Variants in SRGAP3 observed in about 807,000 individuals in gnomAD.
SRGAP3 encodes SLIT-ROBO Rho GTPase activating protein 3, also known as SLIT-ROBO Rho GTPase-activating protein 3.
In SRGAP3, 39 loss-of-function variants were observed where a neutral mutation model predicts 121.1. That is an observed-to-expected ratio of 0.32 (90% CI 0.25 to 0.42). The LOEUF is 0.42. Ranked by LOEUF, SRGAP3 falls within the 10% of genes least tolerant of loss-of-function variation. SRGAP3 has a pLI of 1.00. For missense variants in SRGAP3, 1,213 were observed against 1,470.6 expected, an observed-to-expected ratio of 0.82 and a Z score of 2.86; for synonymous variants, 601 against 570.0, an observed-to-expected ratio of 1.05 and a Z score of -0.77.
intron 3 of SRGAP3, among the ~76,000 whole-genome samples, chr3:9,322,530 TA>T (rs140083606): frequency 0.011 from 1,712 of 151,896 alleles, 34 homozygotes; most frequent in African/African-American, 0.039. Context: ...AAGGGAGCAT[TA>T]CCACCTGAGC....
intron 3 of SRGAP3, among the ~76,000 whole-genome samples, chr3:9,281,649 G>A (rs530534169): frequency 1.1e-4 from 16 of 152,126 alleles, no homozygotes; most frequent in African/African-American, 3.4e-4. Flanking sequence ...CACAATACGC[G>A]CCCCAATTAG....
intron 1 of SRGAP3, among the ~76,000 whole-genome samples, chr3:9,160,211 A>G (rs1950561038): frequency 6.6e-6 from 1 of 152,246 alleles, no homozygotes; most frequent in South Asian, 2.1e-4. Context: ...TAATACTACC[A>G]TAAATTCTTT....
At chr3:9,151,899 T>C (rs1950223952) in intron 1 of SRGAP3, among the ~76,000 whole-genome samples, 1 of 152,216 alleles carries the variant, frequency 6.6e-6, no homozygotes, top group African/African-American at 2.4e-5. Context: ...GGAAAGGAAC[T>C]GTCGAAGCTG....
chr3:9,298,514 C>T (rs1954992298), intron 3 of SRGAP3, among the ~76,000 whole-genome samples: 1 of 152,118 alleles, frequency 6.6e-6, no homozygotes, highest in Non-Finnish European at 1.5e-5. Flanking sequence ...CAAACAATTC[C>T]ACCCCTCCCT....
At chr3:9,127,550 C>T (rs537604678) in intron 1 of SRGAP3, among the ~76,000 whole-genome samples, 2 of 152,288 alleles carry the variant, frequency 1.3e-5, no homozygotes, top group East Asian at 1.9e-4. Context: ...TGGGTTCAAG[C>T]GATCCTCCTG....
chr3:9,177,881 C>T (rs1036464191), intron 1 of SRGAP3, among the ~76,000 whole-genome samples: 5 of 152,124 alleles, frequency 3.3e-5, no homozygotes, highest in African/African-American at 1.2e-4. Flanking sequence ...GAGATGGACA[C>T]ACAACCAAGC....
intron 1 of SRGAP3, among the ~76,000 whole-genome samples, chr3:9,246,686 C>A (rs754312175): frequency 3.3e-4 from 51 of 152,266 alleles, no homozygotes; most frequent in Non-Finnish European, 6.6e-4. Flanking sequence ...CCTAGACACA[C>A]ATCAATAATT....
At chr3:9,252,658 G>A (rs1395439083), upstream of SRGAP3, among the ~76,000 whole-genome samples, 2 of 152,116 alleles carry the variant, frequency 1.3e-5, no homozygotes, top group South Asian at 2.1e-4. Flanking sequence ...AGATGTGGGT[G>A]TGACCTGGGC....
In SRGAP3 at chr3:9,056,284, A is replaced by G. The variant is rs1415434650; in HGVS notation, c.1074T>C (p.Arg358=). 6.2e-7 allele frequency: 1 copy of G among 1,613,886 alleles called. No individual in the cohort carries two copies. Among genetic ancestry groups the G allele is most frequent in the South Asian group, 1.1e-5 (1 of 91,076 alleles). Residue 358 remains arginine (R), a synonymous_variant, in exon 8 of 22, where the codon CGT becomes CGC. Transcript: ENST00000383836. ...QQPVQTELLM[R]YHQLQSRLAT... ...CCAGTCTGGACTGCAGCTGGTGATAACGCATGAGCAGTTCTGTCTGGACGG... is the reference window on the plus strand; with the variant it reads ...CCAGTCTGGACTGCAGCTGGTGATAGCGCATGAGCAGTTCTGTCTGGACGG...
At chr3:9,270,044 T>G (rs1481617386) in intron 3 of SRGAP3, among the ~76,000 whole-genome samples, 1 of 152,150 alleles carries the variant, frequency 6.6e-6, no homozygotes, top group Non-Finnish European at 1.5e-5. Context: ...TCTGATTTAG[T>G]AGATCTGGGG....
chr3:9,098,828 T>C (rs1948093834), intron 3 of SRGAP3, among the ~76,000 whole-genome samples: 1 of 152,216 alleles, frequency 6.6e-6, no homozygotes. Flanking sequence ...AATATATGTT[T>C]ATTAAATGAG....
intron 3 of SRGAP3, among the ~76,000 whole-genome samples, chr3:9,095,092 T>A (rs1477879764): frequency 1.3e-5 from 2 of 152,132 alleles, no homozygotes; most frequent in Non-Finnish European, 2.9e-5. Flanking sequence ...TTTCACTTTC[T>A]GTGGCTTATC....
chr3:9,340,947 T>C (rs949104189), intron 1 of SRGAP3, among the ~76,000 whole-genome samples: 1 of 152,178 alleles, frequency 6.6e-6, no homozygotes, highest in Non-Finnish European at 1.5e-5. Context: ...ATTTATTTTC[T>C]CACAATTCTA....
intron 3 of SRGAP3, among the ~76,000 whole-genome samples, chr3:9,097,434 A>G (rs1252046323): frequency 6.6e-6 from 1 of 152,164 alleles, no homozygotes; most frequent in Non-Finnish European, 1.5e-5. Flanking sequence ...AGTTTAAGGG[A>G]TTAGGTGGAG....
chr3:9,223,935 C>T (rs895023998), intron 1 of SRGAP3, among the ~76,000 whole-genome samples: 3 of 152,130 alleles, frequency 2.0e-5, no homozygotes, highest in Admixed American at 6.5e-5. Flanking sequence ...CTTCTCCTCT[C>T]GAAGTTTCAA....
intron 1 of SRGAP3, among the ~76,000 whole-genome samples, chr3:9,161,204 A>G (rs777634499): frequency 4.6e-5 from 7 of 152,264 alleles, no homozygotes; most frequent in Admixed American, 6.5e-5. Context: ...TAACTTTGCA[A>G]CGGAGAAACC....
chr3:9,208,084 A>G (rs551935394), intron 1 of SRGAP3, among the ~76,000 whole-genome samples: 5 of 152,104 alleles, frequency 3.3e-5, no homozygotes, highest in African/African-American at 1.2e-4. Flanking sequence ...GGGCCCGCAA[A>G]TGATTCATCT....
intron 9 of SRGAP3, chr3:9,049,149 G>T (rs1945432018): frequency 9.8e-6 from 3 of 305,938 alleles, no homozygotes; most frequent in Non-Finnish European, 1.3e-5. Context: ...CAACTATAGA[G>T]GAGGGCCTCT....
intron 3 of SRGAP3, among the ~76,000 whole-genome samples, chr3:9,100,405 A>G (rs1243604857): frequency 6.6e-6 from 1 of 152,212 alleles, no homozygotes; most frequent in Non-Finnish European, 1.5e-5. Context: ...GACAGAGAAG[A>G]AGCAAACAGG....
Sources: gnomAD v4.1 joint callset for allele counts (sites outside exome capture counted in the v4.1 genomes callset) on GRCh38, gnomAD v4.1.1 for gene constraint, MANE v1.5 for transcripts, NCBI Gene and HGNC (gene_info 2026-07-23, HGNC 2026-07-21) for gene names.